The following DIAPH2 variants were observed in gnomAD, a reference collection of about 807,000 sequenced individuals.
DIAPH2 encodes diaphanous related formin 2, also known as protein diaphanous homolog 2.
Under a neutral mutation model 92.7 loss-of-function variants are expected in DIAPH2, and 35 were observed. That is an observed-to-expected ratio of 0.38 (90% CI 0.29 to 0.50). The LOEUF (loss-of-function observed/expected upper bound fraction) is 0.50. Among genes scored for constraint, DIAPH2 ranks in the 20% least tolerant of loss-of-function variants. DIAPH2 has a pLI of 0.94. For synonymous variants in DIAPH2, 301 were observed against 280.4 expected (o/e 1.07, Z -0.73); for missense variants, 701 against 819.5 (o/e 0.86, Z 1.77).
rs1298826948 is a variant in DIAPH2 at position 96,889,311 on chromosome X, A to T, written c.587+7593A>T. ...ATATCTTAAGAATATATATCAGTGT[A>T]TTGAAAAGCCTATTTTTTTTTCTGA... On this transcript the variant is annotated intron_variant, in intron 5 of 26. Transcript: ENST00000324765. Among the ~76,000 whole-genome samples, 3 of 111,455 alleles carry T rather than the reference A, an allele frequency of 2.7e-5. No homozygotes were observed. In the South Asian group the frequency reaches 1.1e-3, roughly 41 times the overall value.
In DIAPH2 at chrX:97,304,949, G is replaced by T. The variant is rs149714118; in HGVS notation, c.2845-43167G>T. Among the ~76,000 whole-genome samples the T allele has an allele frequency of 4.2e-3, 475 of 111,913 alleles. 3 individuals are homozygous for T. Among genetic ancestry groups the T allele is most frequent in the African/African-American group, 0.013 (411 of 30,838 alleles). The stretch of plus-strand genomic sequence containing the variant: ...GGTAGTATACACACTTTCAAGGAGA[G>T]ATAGCACAGTAGGCAATACAATGTG... On this transcript the variant is annotated intron_variant, in intron 23 of 26. Coordinates refer to ENST00000324765, the MANE Select transcript of DIAPH2 (RefSeq NM_006729.5).
chrX:97,181,865 T>G (rs1243851466), intron 22 of DIAPH2, among the ~76,000 whole-genome samples: 1 of 112,683 alleles, frequency 8.9e-6, no homozygotes, highest in Non-Finnish European at 1.9e-5. Flanking sequence ...AGCAATAATA[T>G]GCTATAAATT....
intron 22 of DIAPH2, among the ~76,000 whole-genome samples, chrX:97,221,885 A>C (rs1385453430): frequency 9.0e-6 from 1 of 110,633 alleles, no homozygotes; most frequent in Admixed American, 9.7e-5. Flanking sequence ...GAATGGAATT[A>C]ACTGATTCTA....
chrX:97,485,196 A>G (rs1467301580), intron 26 of DIAPH2, among the ~76,000 whole-genome samples: 1 of 112,026 alleles, frequency 8.9e-6, no homozygotes, highest in Non-Finnish European at 1.9e-5. Flanking sequence ...ACACCCAAAG[A>G]TAATTCATCA....
chrX:97,278,728 C>T (rs2068472019), intron 23 of DIAPH2, among the ~76,000 whole-genome samples: 1 of 112,138 alleles, frequency 8.9e-6, no homozygotes, highest in Admixed American at 9.5e-5. Flanking sequence ...AAAATAGCTC[C>T]AAGACATGTT....
At chrX:97,369,123 G>T (rs1208190496) in intron 24 of DIAPH2, among the ~76,000 whole-genome samples, 1 of 109,788 alleles carries the variant, frequency 9.1e-6, no homozygotes, top group African/African-American at 3.3e-5. Context: ...GGTCAGGCTG[G>T]TCTCGAACTC....
intron 23 of DIAPH2, among the ~76,000 whole-genome samples, chrX:97,329,250 G>A (rs1172012423): frequency 8.9e-6 from 1 of 111,990 alleles, no homozygotes; most frequent in East Asian, 2.8e-4. Flanking sequence ...TAACATTTTG[G>A]CACATTTTGC....
intron 26 of DIAPH2, among the ~76,000 whole-genome samples, chrX:97,433,362 A>G (rs1193247915): frequency 9.1e-6 from 1 of 110,215 alleles, no homozygotes; most frequent in African/African-American, 3.3e-5. Context: ...AAATACAAAA[A>G]AAAATTAGCC....
At chrX:96,893,866 A>C (rs182103975) in intron 5 of DIAPH2, among the ~76,000 whole-genome samples, 43 of 111,740 alleles carry the variant, frequency 3.8e-4, no homozygotes, top group African/African-American at 1.4e-3. Flanking sequence ...ACTAGATAAC[A>C]GTATTTGCTC....
intron 26 of DIAPH2, among the ~76,000 whole-genome samples, chrX:97,467,455 G>A (rs1180327955): frequency 9.0e-6 from 1 of 111,695 alleles, no homozygotes; most frequent in Non-Finnish European, 1.9e-5. Flanking sequence ...CAATGTAGAA[G>A]AATCCTCTAA....
chrX:97,279,058 T>C (rs938060878), intron 23 of DIAPH2, among the ~76,000 whole-genome samples: 1 of 112,067 alleles, frequency 8.9e-6, no homozygotes, highest in Non-Finnish European at 1.9e-5. Context: ...CTCATCTCCT[T>C]GTTTAAAAGT....
intron 25 of DIAPH2, among the ~76,000 whole-genome samples, chrX:97,386,160 A>G (rs943653982): frequency 1.7e-4 from 19 of 112,076 alleles, no homozygotes; most frequent in Non-Finnish European, 2.4e-4. Flanking sequence ...GGAAACAAAT[A>G]TAACATTTTA....
chrX:96,850,711 C>T (rs1602564242), intron 4 of DIAPH2, among the ~76,000 whole-genome samples: 1 of 111,878 alleles, frequency 8.9e-6, no homozygotes, highest in Admixed American at 9.5e-5. Flanking sequence ...ATTTTTATCT[C>T]GTGGTGTCTC....
At chrX:97,554,120 G>A (rs776214502) in intron 26 of DIAPH2, among the ~76,000 whole-genome samples, 1 of 111,722 alleles carries the variant, frequency 9.0e-6, no homozygotes, top group African/African-American at 3.2e-5. Context: ...TGAACTAACA[G>A]CTGGTTCTGC....
At chrX:96,942,202 T>C in intron 13 of DIAPH2, 66 bp downstream of exon 13, 2 of 647,659 alleles carry the variant, frequency 3.1e-6, no homozygotes, top group Non-Finnish European at 5.0e-6. Context: ...AAGCACTTTT[T>C]AAGTGAAGAA....
At chrX:96,942,913 T>A (rs993854934) in intron 13 of DIAPH2, among the ~76,000 whole-genome samples, 1 of 99,716 alleles carries the variant, frequency 1.0e-5, no homozygotes, top group Non-Finnish European at 2.1e-5. Flanking sequence ...TTATATATTA[T>A]TTTTGACTCC....
At chrX:97,239,261 A>G (rs1434670805) in intron 22 of DIAPH2, among the ~76,000 whole-genome samples, 1 of 111,751 alleles carries the variant, frequency 8.9e-6, no homozygotes, top group Non-Finnish European at 1.9e-5. Flanking sequence ...TGTATCTTAT[A>G]CTTTACCTTA....
chrX:96,882,507 C>T (rs1296226560), intron 5 of DIAPH2, among the ~76,000 whole-genome samples: 1 of 111,071 alleles, frequency 9.0e-6, no homozygotes, highest in Non-Finnish European at 1.9e-5. Context: ...TCTCAAAACT[C>T]TACTAATTTA....
At chrX:96,706,392 G>A (rs993315607) in intron 1 of DIAPH2, among the ~76,000 whole-genome samples, 2 of 112,346 alleles carry the variant, frequency 1.8e-5, no homozygotes, top group Admixed American at 1.9e-4. Context: ...GGAAAGAAGT[G>A]AGACTGGAAG....
Sources: gnomAD v4.1 joint callset for allele counts (sites outside exome capture counted in the v4.1 genomes callset) on GRCh38, gnomAD v4.1.1 for gene constraint, MANE v1.5 for transcripts, NCBI Gene and HGNC (gene_info 2026-07-23, HGNC 2026-07-21) for gene names.